The following ARHGAP25 variants were observed in gnomAD, a reference collection of about 807,000 sequenced individuals.
ARHGAP25 encodes rho GTPase-activating protein 25.
Under a neutral mutation model 71.0 loss-of-function variants are expected in ARHGAP25, and 34 were observed. The observed-to-expected ratio is 0.48, with a 90% CI of 0.36 to 0.64. ARHGAP25 has a LOEUF of 0.64. Ranked by LOEUF, ARHGAP25 falls within the 30% of genes least tolerant of loss-of-function variation. ARHGAP25 has a pLI of 0.00. For synonymous variants in ARHGAP25, 282 were observed against 296.5 expected (o/e 0.95, Z 0.50); for missense variants, 706 against 805.1 (o/e 0.88, Z 1.49).
rs147988888 is a variant in ARHGAP25 at position 68,750,080 on chromosome 2, C to T, written c.61+14820C>T. 8.5e-3 allele frequency among the ~76,000 whole-genome samples: 1,299 copies of T among 152,238 alleles called. 22 individuals are homozygous for T. Among genetic ancestry groups the T allele is most frequent in the African/African-American group, 0.029 (1,221 of 41,536 alleles). On this transcript the variant is annotated intron_variant, in intron 1 of 10. Coordinates refer to ENST00000409202, the MANE Select transcript of ARHGAP25 (RefSeq NM_001007231.3). ...GGAGTACAGCTGTGTGATCACAGCT[C>T]ACTGCAGCCTCAACATCCTGGGCTC...
At chr2:68,816,119 T>G in intron 6 of ARHGAP25, 170 bp from the exon 7 acceptor site, 1 of 656,550 alleles carries the variant, frequency 1.5e-6, no homozygotes. Flanking sequence ...TCTGTGAGAA[T>G]TGAGTTATTT....
intron 4 of ARHGAP25, among the ~76,000 whole-genome samples, chr2:68,806,743 C>T (rs58993338): frequency 0.04 from 6,123 of 152,150 alleles, 396 homozygotes; most frequent in African/African-American, 0.14. Flanking sequence ...TGCAGTTGAC[C>T]GTGGATAAGG....
chr2:68,719,550 T>C lies in ARHGAP25; in HGVS notation c.-18+8852T>C, dbSNP rs1437444899. Reference sequence around the variant, plus strand: ...AGAGGAAAAAAATAACTTTTTTTTTTCTATATACATGTAAAGGAACACATT... The same window carrying C: ...AGAGGAAAAAAATAACTTTTTTTTTCCTATATACATGTAAAGGAACACATT... On this transcript the variant is annotated intron_variant and NMD_transcript_variant, in intron 2 of 7. Coordinates refer to the ARHGAP25 transcript ENST00000463483. Among the ~76,000 whole-genome samples the C allele has an allele frequency of 2.6e-5, 4 of 152,252 alleles. No individual in the cohort carries two copies. The East Asian group carries it at 5.8e-4, about 22-fold the overall frequency.
chr2:68,817,203 T>C (rs1681298011), intron 7 of ARHGAP25, among the ~76,000 whole-genome samples: 1 of 152,220 alleles, frequency 6.6e-6, no homozygotes, highest in Admixed American at 6.5e-5. Context: ...TGTTTCATCA[T>C]TTGGACACGT....
intron 1 of ARHGAP25, among the ~76,000 whole-genome samples, chr2:68,756,586 C>T (rs116965664): frequency 6.6e-6 from 1 of 152,264 alleles, no homozygotes; most frequent in East Asian, 1.9e-4. Context: ...GGTGCAGCCT[C>T]AGAAAAGACC....
chr2:68,789,274 G>C (rs551301161), intron 4 of ARHGAP25, among the ~76,000 whole-genome samples: 1 of 152,092 alleles, frequency 6.6e-6, no homozygotes, highest in Non-Finnish European at 1.5e-5. Context: ...TCCTGGCCTC[G>C]TGATCCACCC....
At chr2:68,743,555 A>T (rs1444792777) in intron 1 of ARHGAP25, among the ~76,000 whole-genome samples, 2 of 152,132 alleles carry the variant, frequency 1.3e-5, no homozygotes, top group Non-Finnish European at 2.9e-5. Context: ...ATTTGATTCC[A>T]TGCACCTGGT....
chr2:68,810,660 C>G (rs1423322810), intron 5 of ARHGAP25, among the ~76,000 whole-genome samples: 1 of 151,714 alleles, frequency 6.6e-6, no homozygotes, highest in Non-Finnish European at 1.5e-5. Flanking sequence ...ATTAAACTGT[C>G]TAGGTGTCTT....
intron 2 of ARHGAP25, among the ~76,000 whole-genome samples, chr2:68,713,499 G>A (rs1188553185): frequency 6.6e-6 from 1 of 152,086 alleles, no homozygotes; most frequent in African/African-American, 2.4e-5. Context: ...TCTTTCTCTT[G>A]CCTGATTGCC....
intron 2 of ARHGAP25, among the ~76,000 whole-genome samples, chr2:68,727,066 A>G (rs1674900782): frequency 6.6e-6 from 1 of 152,212 alleles, no homozygotes; most frequent in Admixed American, 6.5e-5. Flanking sequence ...CAAATGCTAT[A>G]TTCCAGGACG....
chr2:68,714,554 A>G (rs544003181), intron 2 of ARHGAP25, among the ~76,000 whole-genome samples: 10 of 152,112 alleles, frequency 6.6e-5, no homozygotes, highest in Admixed American at 2.0e-4. Flanking sequence ...TTGCTTCTCT[A>G]GTTCTTTTAA....
chr2:68,785,825 C>T (rs1558636499), intron 3 of ARHGAP25, among the ~76,000 whole-genome samples: 2 of 152,022 alleles, frequency 1.3e-5, no homozygotes, highest in African/African-American at 2.4e-5. Flanking sequence ...AGAGAAATAG[C>T]CCAAAGGGTA....
chr2:68,776,350 A>G (rs1213269907), intron 2 of ARHGAP25, among the ~76,000 whole-genome samples: 2 of 152,224 alleles, frequency 1.3e-5, no homozygotes, highest in Non-Finnish European at 2.9e-5. Flanking sequence ...CTCTGAGCAG[A>G]GAGTGACAGT....
chr2:68,760,881 ATT>A (rs70954324), intron 1 of ARHGAP25, among the ~76,000 whole-genome samples: 11 of 107,496 alleles, frequency 1.0e-4, no homozygotes, highest in African/African-American at 3.5e-4. Flanking sequence ...AAAAAAAAAA[ATT>A]TTTGAAAAAG....
chr2:68,778,379 G>T (rs1289364819), intron 2 of ARHGAP25, among the ~76,000 whole-genome samples: 1 of 151,942 alleles, frequency 6.6e-6, no homozygotes, highest in African/African-American at 2.4e-5. Flanking sequence ...GCATGAATCT[G>T]TATTTATAGA....
intron 1 of ARHGAP25, among the ~76,000 whole-genome samples, chr2:68,752,031 C>A (rs1191118747): frequency 6.6e-6 from 1 of 152,178 alleles, no homozygotes; most frequent in Non-Finnish European, 1.5e-5. Flanking sequence ...ATAACGCGAC[C>A]ACGAATAGTT....
chr2:68,822,278 T>G, intron 9 of ARHGAP25, 62 bp from the exon 10 acceptor site: 1 of 1,523,882 alleles, frequency 6.6e-7, no homozygotes, highest in East Asian at 2.3e-5. Context: ...AATCCATACC[T>G]TGGGAGCATG....
chr2:68,754,095 G>C (rs1435539261), intron 1 of ARHGAP25, among the ~76,000 whole-genome samples: 1 of 151,914 alleles, frequency 6.6e-6, no homozygotes, highest in Non-Finnish European at 1.5e-5. Context: ...AGTAGAGACG[G>C]GGTTTCACCA....
chr2:68,786,558 T>C (rs1462762377), intron 3 of ARHGAP25, among the ~76,000 whole-genome samples: 1 of 152,248 alleles, frequency 6.6e-6, no homozygotes, highest in Non-Finnish European at 1.5e-5. Context: ...GCCCTGAGTA[T>C]TTTTAACTTA....
Sources: gnomAD v4.1 joint callset for allele counts (sites outside exome capture counted in the v4.1 genomes callset) on GRCh38, gnomAD v4.1.1 for gene constraint, MANE v1.5 for transcripts, NCBI Gene and HGNC (gene_info 2026-07-23, HGNC 2026-07-21) for gene names.